The following LIMCH1 variants were observed in gnomAD, a reference collection of about 807,000 sequenced individuals.
The protein encoded by LIMCH1 is LIM and calponin homology domains 1.
LIMCH1 carries 113 observed loss-of-function variants against 176.5 expected under a neutral mutation model. The ratio of observed to expected loss-of-function variants is 0.64; its 90% confidence interval spans 0.55 to 0.75. The LOEUF (loss-of-function observed/expected upper bound fraction) is 0.75, where lower values mean the gene tolerates loss of function less well. LIMCH1 is among the 30% of genes least tolerant of loss of function. The pLI, the probability that LIMCH1 is intolerant of heterozygous loss-of-function variation, is 0.00. For missense variants in LIMCH1, 1,674 were observed against 1,814.9 expected (o/e 0.92, Z 1.41); for synonymous variants, 619 against 645.9 (o/e 0.96, Z 0.63).
chr4:41,684,402 CT>C lies in LIMCH1; in HGVS notation c.3852del (p.Glu1285LysfsTer56). 1.2e-6 allele frequency: 2 copies of C among 1,613,372 alleles called. No homozygotes were observed. The highest frequency in any genetic ancestry group is 1.7e-6 in the Non-Finnish European group (2 of 1,179,628). ...SDRLEEKGSL[T>X]EGALAHSGNP... ...ATACCTCTTTATTTTAACAGCCTAA[CT>C]GAAGGGGCCTTGGCTCATTCTGGGA... is the stretch of plus-strand genomic sequence containing the variant. On this transcript the variant is annotated frameshift_variant, in exon 27 of 32. Transcript: ENST00000503057. LOFTEE classifies it high-confidence loss of function.
At chr4:41,605,839 A>G in intron 3 of LIMCH1, 55 bp from the exon 4 acceptor site, 1 of 1,064,472 alleles carries the variant, frequency 9.4e-7, no homozygotes, top group South Asian at 1.3e-5. Context: ...TTGACTCCTT[A>G]GTTTAAACGT....
Position 41,546,987 on chromosome 4 carries a change from T to G in LIMCH1, c.-241+8637T>G, listed in dbSNP as rs557325152. On this transcript the variant is annotated intron_variant, in intron 1 of 31. Transcript: ENST00000503057. Reference sequence around the variant, plus strand: ...GGAGATTTTTCTTTGCATCTTCTTCTTCCTATTATCCTTTTTTGTAAACAA... The same window carrying G: ...GGAGATTTTTCTTTGCATCTTCTTCGTCCTATTATCCTTTTTTGTAAACAA... 7.2e-5 allele frequency among the ~76,000 whole-genome samples: 11 copies of G among 152,352 alleles called. No homozygotes were observed. In the East Asian group the frequency reaches 1.9e-3, roughly 27 times the overall value.
chr4:41,515,217 C>T (rs956285280), intron 2 of LIMCH1, among the ~76,000 whole-genome samples: 14 of 152,334 alleles, frequency 9.2e-5, no homozygotes, highest in East Asian at 1.9e-4. Flanking sequence ...GCTGTGGCTG[C>T]GGTGATCACG....
chr4:41,632,393 G>T (rs1434081023), intron 10 of LIMCH1, among the ~76,000 whole-genome samples: 2 of 152,086 alleles, frequency 1.3e-5, no homozygotes, highest in African/African-American at 4.8e-5. Context: ...AAGAGAGAAG[G>T]CTATAAACAC....
intron 18 of LIMCH1, among the ~76,000 whole-genome samples, chr4:41,661,017 A>C (rs1318005452): frequency 1.3e-5 from 2 of 152,250 alleles, no homozygotes. Flanking sequence ...ACAGGCAACT[A>C]TGCCAAGACA....
chr4:41,503,171 A>G (rs890692601), intron 2 of LIMCH1, among the ~76,000 whole-genome samples: 14 of 152,212 alleles, frequency 9.2e-5, no homozygotes, highest in African/African-American at 2.2e-4. Flanking sequence ...CCAGCAGGAA[A>G]AAAGAGATAC....
intron 1 of LIMCH1, among the ~76,000 whole-genome samples, chr4:41,556,109 G>A (rs890225322): frequency 7.9e-5 from 12 of 151,908 alleles, no homozygotes; most frequent in Non-Finnish European, 1.5e-5. Flanking sequence ...GCAGAAATCT[G>A]GAAAATGATC....
intron 1 of LIMCH1, among the ~76,000 whole-genome samples, chr4:41,392,787 G>C (rs1005062096): frequency 2.0e-5 from 3 of 151,406 alleles, no homozygotes; most frequent in Non-Finnish European, 2.9e-5. Context: ...ATCCCAGCCT[G>C]TGGGAGGCCG....
intron 1 of LIMCH1, among the ~76,000 whole-genome samples, chr4:41,443,487 T>A (rs1263718894): frequency 6.6e-6 from 1 of 152,226 alleles, no homozygotes; most frequent in Non-Finnish European, 1.5e-5. Flanking sequence ...TTTGCTCTTA[T>A]TGCAGATGGA....
intron 13 of LIMCH1, among the ~76,000 whole-genome samples, chr4:41,635,385 G>A (rs986265880): frequency 3.3e-5 from 5 of 151,968 alleles, no homozygotes; most frequent in Admixed American, 1.3e-4. Context: ...CCTCCACCAC[G>A]CCCAGCTAAT....
At chr4:41,470,071 G>A (rs1054962969) in intron 1 of LIMCH1, among the ~76,000 whole-genome samples, 1 of 152,134 alleles carries the variant, frequency 6.6e-6, no homozygotes, top group African/African-American at 2.4e-5. Context: ...AGTGGCCAAG[G>A]TTCTTGAAGG....
At chr4:41,499,404 A>G (rs1393323087) in intron 2 of LIMCH1, among the ~76,000 whole-genome samples, 1 of 152,238 alleles carries the variant, frequency 6.6e-6, no homozygotes, top group Non-Finnish European at 1.5e-5. Flanking sequence ...TTGTAAATAT[A>G]GGAACATTAT....
chr4:41,618,464 T>A (rs1006958324), intron 5 of LIMCH1, among the ~76,000 whole-genome samples: 4 of 152,162 alleles, frequency 2.6e-5, no homozygotes, highest in Non-Finnish European at 5.9e-5. Context: ...GGCAATGACA[T>A]AATAACTATA....
intron 7 of LIMCH1, among the ~76,000 whole-genome samples, chr4:41,625,247 T>C (rs1242550997): frequency 2.0e-5 from 3 of 152,198 alleles, no homozygotes; most frequent in Non-Finnish European, 4.4e-5. Flanking sequence ...ATCTGGAATG[T>C]ACTAAATGTA....
intron 1 of LIMCH1, among the ~76,000 whole-genome samples, chr4:41,546,669 A>C (rs1185356241): frequency 6.6e-6 from 1 of 152,104 alleles, no homozygotes; most frequent in East Asian, 1.9e-4. Flanking sequence ...ATTCCAGGCA[A>C]TGAATGTGTT....
At chr4:41,674,395 G>A (rs2095149299) in intron 22 of LIMCH1, among the ~76,000 whole-genome samples, 2 of 152,352 alleles carry the variant, frequency 1.3e-5, no homozygotes, top group Admixed American at 6.5e-5. Flanking sequence ...CCCTGGAAGA[G>A]CTTCTGAATG....
At chr4:41,689,458 A>G (rs1402090845) in intron 29 of LIMCH1, 69 bp from the exon 30 acceptor site, 5 of 809,704 alleles carry the variant, frequency 6.2e-6, no homozygotes, top group Non-Finnish European at 1.1e-5. Flanking sequence ...GCATGAGGTT[A>G]CATGTCTGTG....
intron 1 of LIMCH1, chr4:41,551,231 G>C (rs1307326748): frequency 1.3e-5 from 2 of 152,150 alleles, no homozygotes; most frequent in Non-Finnish European, 2.9e-5. Flanking sequence ...ATATGTCTTT[G>C]ATCCTTCCAG....
At chr4:41,518,786 A>G (rs2075838805) in intron 2 of LIMCH1, among the ~76,000 whole-genome samples, 1 of 151,918 alleles carries the variant, frequency 6.6e-6, no homozygotes, top group Non-Finnish European at 1.5e-5. Flanking sequence ...CCCTGTGTCC[A>G]TGTGTTCTCA....
Sources: gnomAD v4.1 joint callset for allele counts (sites outside exome capture counted in the v4.1 genomes callset) on GRCh38, gnomAD v4.1.1 for gene constraint, MANE v1.5 for transcripts, NCBI Gene and HGNC (gene_info 2026-07-23, HGNC 2026-07-21) for gene names.